Variants in CHST15 observed in about 807,000 individuals in gnomAD.
CHST15 encodes carbohydrate sulfotransferase 15.
Under a neutral mutation model 53.6 loss-of-function variants are expected in CHST15, and 30 were observed. The ratio of observed to expected loss-of-function variants is 0.56; its 90% CI spans 0.42 to 0.76. The LOEUF is 0.76. CHST15 is among the 30% of genes least tolerant of loss of function. The probability of loss-of-function intolerance (pLI) is 0.00; values close to 1 mark genes in which losing one functional copy is unlikely to be tolerated. For synonymous variants in CHST15, 296 were observed against 289.8 expected (o/e 1.02, Z -0.22); for missense variants, 627 against 740.5 (o/e 0.85, Z 1.78).
At chr10:124,037,536 G>GC (rs1228553793) in intron 5 of CHST15, among the ~76,000 whole-genome samples, 1 of 152,190 alleles carries the variant, frequency 6.6e-6, no homozygotes, top group Non-Finnish European at 1.5e-5. Context: ...TTAGACAGGT[G>GC]CCCCCTTAGC....
chr10:124,070,372 T>TTTTTG (rs1050414479), intron 1 of CHST15, among the ~76,000 whole-genome samples: 7 of 152,130 alleles, frequency 4.6e-5, no homozygotes, highest in African/African-American at 1.4e-4. Flanking sequence ...CAGTAAAGTT[T>TTTTTG]TTTTGTTTTG....
intron 1 of CHST15, among the ~76,000 whole-genome samples, chr10:124,088,087 A>C (rs937197919): frequency 1.3e-5 from 2 of 152,216 alleles, no homozygotes; most frequent in African/African-American, 2.4e-5. Context: ...TCCGGGGCTG[A>C]AGAATATCAC....
Position 124,042,452 on chromosome 10 carries a change from G to A in CHST15, c.887-5C>T. ...CATCTCTTAGGCGGACGATTCCTAT[G>A]AGAACCAAGAAGCAGGAGATACTGA... is the stretch of plus-strand genomic sequence containing the variant. On this transcript the variant is annotated splice_polypyrimidine_tract_variant and splice_region_variant and intron_variant, in intron 3 of 7. Coordinates refer to ENST00000435907, the MANE Select transcript of CHST15 (RefSeq NM_001270764.2). The A allele has an allele frequency of 1.9e-6, 3 of 1,613,454 alleles. No individual in the cohort carries two copies. Among genetic ancestry groups the A allele is most frequent in the Non-Finnish European group, 2.5e-6 (3 of 1,179,424 alleles).
At chr10:124,033,967 C>A (rs193049981) in intron 5 of CHST15, among the ~76,000 whole-genome samples, 1 of 152,234 alleles carries the variant, frequency 6.6e-6, no homozygotes, top group Non-Finnish European at 1.5e-5. Flanking sequence ...GTACAGCAGG[C>A]AATGCAAGGC....
At position 124,010,059 on chromosome 10, in the gene CHST15, A is replaced by G; in HGVS notation, c.*90T>C. The G allele has an allele frequency of 1.9e-6, 3 of 1,601,602 alleles. No homozygotes were observed. Among genetic ancestry groups the G allele is most frequent in the East Asian group, 2.2e-5 (1 of 44,752 alleles). ...GCAGAGTCCTGGGGTTTTCCATACCATGAGTGAAACAGTTCCCCGCAAAGA... is the reference window on the plus strand; with the variant it reads ...GCAGAGTCCTGGGGTTTTCCATACCGTGAGTGAAACAGTTCCCCGCAAAGA... On this transcript the variant is annotated 3_prime_UTR_variant, in exon 8 of 8. Transcript: ENST00000435907.
At chr10:124,020,496 G>C in intron 6 of CHST15, 2 of 985,524 alleles carry the variant, frequency 2.0e-6, no homozygotes, top group South Asian at 9.4e-5. Context: ...TAAGAAAGAG[G>C]GGGCAGAGCC....
chr10:124,034,935 C>T (rs1243205521), intron 5 of CHST15, among the ~76,000 whole-genome samples: 1 of 146,010 alleles, frequency 6.8e-6, no homozygotes, highest in Non-Finnish European at 1.5e-5. Flanking sequence ...TAACAGGGAC[C>T]CTGGCTCCAC....
chr10:124,072,093 T>C (rs1050967003), intron 1 of CHST15, among the ~76,000 whole-genome samples: 1 of 152,232 alleles, frequency 6.6e-6, no homozygotes, highest in Admixed American at 6.5e-5. Flanking sequence ...AAGGCATTTG[T>C]TACCAACAGC....
intron 7 of CHST15, 100 bp from the exon 8 acceptor site, chr10:124,010,439 T>A (rs982046893): frequency 7.0e-7 from 1 of 1,436,240 alleles, no homozygotes; most frequent in African/African-American, 1.4e-5. Flanking sequence ...CAGACAGGAG[T>A]TTCCTTTAAG....
chr10:124,051,396 G>A (rs1948191606), intron 1 of CHST15, among the ~76,000 whole-genome samples: 1 of 152,184 alleles, frequency 6.6e-6, no homozygotes, highest in African/African-American at 2.4e-5. Context: ...GTTACGTTCT[G>A]TATCTGGCCT....
At position 124,024,772 on chromosome 10, in the gene CHST15, A is replaced by G. The variant is rs571423092; in HGVS notation, c.1191-3360T>C. ...AAAATCAGACACGCGTGAACCTTCAAGCAAGGTTTGGCTGTGTGCACTGAG... is the reference window on the plus strand; with the variant it reads ...AAAATCAGACACGCGTGAACCTTCAGGCAAGGTTTGGCTGTGTGCACTGAG... On this transcript the variant is annotated intron_variant, in intron 5 of 7. Coordinates refer to ENST00000435907, the MANE Select transcript of CHST15 (RefSeq NM_001270764.2). This position sits in a 1 kb window ranked among gnomAD's most constrained non-coding sequence, Gnocchi z 4.0. 1.3e-5 allele frequency among the ~76,000 whole-genome samples: 2 copies of G among 152,310 alleles called. No homozygotes were observed. Among genetic ancestry groups the G allele is most frequent in the African/African-American group, 4.8e-5 (2 of 41,570 alleles).
intron 2 of CHST15, among the ~76,000 whole-genome samples, chr10:124,045,127 A>AAAAAAAAAAAAC (rs1947933370): frequency 8.0e-6 from 1 of 125,076 alleles, no homozygotes. Context: ...AAAAAAAAAA[A>AAAAAAAAAAAAC]AAAAAAAAAA....
rs1185796322 is a variant in CHST15, at chr10:124,024,661, A to G, written c.1191-3249T>C. On this transcript the variant is annotated intron_variant, in intron 5 of 7. Coordinates refer to ENST00000435907, the MANE Select transcript of CHST15 (RefSeq NM_001270764.2). The surrounding 1 kb of genome is among the most constrained non-coding windows in gnomAD (Gnocchi z 4.0). ...TGCTATTTTCCTTCTTCAGAATTAG[A>G]AGACACATCAAAACTGAAACACGGC... Among the ~76,000 whole-genome samples the G allele has an allele frequency of 6.6e-6, 1 of 152,244 alleles. No individual in the cohort carries two copies. The highest frequency in any genetic ancestry group is 1.5e-5 in the Non-Finnish European group (1 of 68,048).
intron 5 of CHST15, among the ~76,000 whole-genome samples, chr10:124,031,132 G>A (rs868597017): frequency 6.6e-6 from 1 of 152,228 alleles, no homozygotes; most frequent in African/African-American, 2.4e-5. Context: ...AATGATGGGT[G>A]GATGGGAGAA....
At chr10:124,039,206 T>C (rs1014359229) in intron 4 of CHST15, among the ~76,000 whole-genome samples, 1 of 152,226 alleles carries the variant, frequency 6.6e-6, no homozygotes, top group African/African-American at 2.4e-5. Context: ...TGGAGTTCTC[T>C]CTGAACTGGG....
At chr10:124,037,702 G>A (rs1191542819) in intron 5 of CHST15, among the ~76,000 whole-genome samples, 2 of 152,172 alleles carry the variant, frequency 1.3e-5, no homozygotes, top group Admixed American at 1.3e-4. Flanking sequence ...CACTACCCTG[G>A]CCTCACCCAC....
chr10:124,041,844 T>C (rs924248631), intron 4 of CHST15, among the ~76,000 whole-genome samples: 6 of 152,204 alleles, frequency 3.9e-5, no homozygotes, highest in Admixed American at 2.6e-4. Flanking sequence ...GTGTCAGAGC[T>C]GAGTCTATTT....
At chr10:124,067,861 G>A (rs1201734359) in intron 1 of CHST15, among the ~76,000 whole-genome samples, 1 of 152,042 alleles carries the variant, frequency 6.6e-6, no homozygotes, top group Non-Finnish European at 1.5e-5. Flanking sequence ...GTGATCCGCT[G>A]GCCTCGGCCT....
chr10:124,083,714 C>T (rs1035875478), intron 1 of CHST15, among the ~76,000 whole-genome samples: 7 of 152,188 alleles, frequency 4.6e-5, no homozygotes, highest in African/African-American at 1.4e-4. Context: ...CATTTATTCC[C>T]ACTAATAACT....
Sources: allele counts gnomAD v4.1 joint callset (sites outside exome capture counted in the v4.1 genomes callset), GRCh38; gene constraint gnomAD v4.1.1; non-coding constraint Gnocchi (gnomAD v3.1); transcripts MANE v1.5; gene names NCBI Gene and HGNC (gene_info 2026-07-23, HGNC 2026-07-21).